Variants in GALNT18 observed in about 807,000 individuals in gnomAD.
GALNT18 encodes the protein polypeptide N-acetylgalactosaminyltransferase 18, also known as GalNAc-transferase 18.
GALNT18 carries 44 observed loss-of-function variants against 69.5 expected under a neutral mutation model. The ratio of observed to expected loss-of-function variants is 0.63; its 90% CI spans 0.50 to 0.81. The LOEUF (loss-of-function observed/expected upper bound fraction) is 0.81. GALNT18 is among the 40% of genes least tolerant of loss of function. GALNT18 has a pLI of 0.00. For missense variants in GALNT18, 715 were observed against 810.0 expected (o/e 0.88, Z 1.42); for synonymous variants, 364 against 318.2 (o/e 1.14, Z -1.53).
At chr11:11,355,748 C>T (rs1425684493) in intron 6 of GALNT18, among the ~76,000 whole-genome samples, 1 of 152,092 alleles carries the variant, frequency 6.6e-6, no homozygotes, top group Non-Finnish European at 1.5e-5. Flanking sequence ...GTCATCAAGA[C>T]CCTCACCTCC....
chr11:11,367,529 C>T (rs1179258233), intron 6 of GALNT18, among the ~76,000 whole-genome samples: 3 of 152,096 alleles, frequency 2.0e-5, no homozygotes, highest in Admixed American at 2.0e-4. Context: ...AGGAGTGATT[C>T]ACAGTTGGGG....
chr11:11,483,410 A>G (rs1182753768), intron 1 of GALNT18, among the ~76,000 whole-genome samples: 1 of 152,210 alleles, frequency 6.6e-6, no homozygotes. Flanking sequence ...ATGGGGAACT[A>G]TGCGGTCAGC....
At chr11:11,333,342 C>T (rs1198999571) in intron 7 of GALNT18, among the ~76,000 whole-genome samples, 1 of 152,112 alleles carries the variant, frequency 6.6e-6, no homozygotes, top group African/African-American at 2.4e-5. Context: ...ATGAGACATG[C>T]AATATATATA....
intron 1 of GALNT18, among the ~76,000 whole-genome samples, chr11:11,539,634 C>G (rs931307455): frequency 6.6e-6 from 1 of 152,164 alleles, no homozygotes. Flanking sequence ...CAGAGGGAAA[C>G]TGCCCACTTG....
chr11:11,590,410 G>A lies in GALNT18; in HGVS notation c.235+30949C>T, dbSNP rs899977887. Among the ~76,000 whole-genome samples, 11 of 152,164 alleles carry A rather than the reference G, an allele frequency of 7.2e-5. No individual in the cohort carries two copies. Among genetic ancestry groups the A allele is most frequent in the Non-Finnish European group, 1.3e-4 (9 of 68,026 alleles). On this transcript the variant is annotated intron_variant, in intron 1 of 10. Coordinates refer to ENST00000227756, the MANE Select transcript of GALNT18 (RefSeq NM_198516.3). This position sits in a 1 kb window ranked among gnomAD's most constrained non-coding sequence, Gnocchi z 4.4. ...CCACATTGCTTGTTGGGTAAGTGAG[G>A]GATATTTTCATTGTACTGGTTAAAG... is the stretch of plus-strand genomic sequence containing the variant.
chr11:11,279,824 ATTTGC>A (rs1259455563), intron 10 of GALNT18, among the ~76,000 whole-genome samples: 1 of 152,062 alleles, frequency 6.6e-6, no homozygotes, highest in African/African-American at 2.4e-5. Context: ...AAACCTAGGG[ATTTGC>A]TTTGTTTTAA....
intron 10 of GALNT18, among the ~76,000 whole-genome samples, chr11:11,292,111 G>A (rs943104603): frequency 2.6e-5 from 4 of 152,164 alleles, no homozygotes; most frequent in African/African-American, 9.7e-5. Flanking sequence ...GAATACAGGT[G>A]TTCCCTCCCG....
In GALNT18 at chr11:11,618,032, C is replaced by A. The variant is rs1452797708; in HGVS notation, c.235+3327G>T. 3.9e-5 allele frequency among the ~76,000 whole-genome samples: 6 copies of A among 152,218 alleles called. No individual in the cohort carries two copies. Among genetic ancestry groups the A allele is most frequent in the Non-Finnish European group, 8.8e-5 (6 of 68,048 alleles). ...TTCCCAAGAGATTCCCAAACACCAT[C>A]TAATTAAATCATTCAATCAGAAAAC... On this transcript the variant is annotated intron_variant, in intron 1 of 10. Transcript: ENST00000227756. This position sits in a 1 kb window ranked among gnomAD's most constrained non-coding sequence, Gnocchi z 6.1.
chr11:11,405,581 T>G (rs996480694), intron 3 of GALNT18, among the ~76,000 whole-genome samples: 4 of 152,128 alleles, frequency 2.6e-5, no homozygotes, highest in Admixed American at 2.0e-4. Flanking sequence ...GAGGGCTCTT[T>G]GTCAGGGGCA....
intron 3 of GALNT18, among the ~76,000 whole-genome samples, chr11:11,392,805 T>G (rs1163530958): frequency 6.6e-6 from 1 of 152,204 alleles, no homozygotes; most frequent in Admixed American, 6.5e-5. Context: ...TTAAATTTTA[T>G]TTTTAATTAT....
At chr11:11,296,793 C>T (rs1430308262) in intron 9 of GALNT18, among the ~76,000 whole-genome samples, 3 of 152,178 alleles carry the variant, frequency 2.0e-5, no homozygotes, top group Non-Finnish European at 2.9e-5. Context: ...CAAAGTGCCT[C>T]TTGACTGGCG....
chr11:11,449,570 G>T lies in GALNT18; in HGVS notation c.236-634C>A, dbSNP rs145962958. 2.8e-4 allele frequency among the ~76,000 whole-genome samples: 43 copies of T among 152,320 alleles called. No homozygotes were observed. The East Asian group carries it at 7.5e-3, about 27-fold the overall frequency. On this transcript the variant is annotated intron_variant, in intron 1 of 10. Coordinates refer to ENST00000227756, the MANE Select transcript of GALNT18 (RefSeq NM_198516.3). ...CCAAGCCACACCCAGCCTGCCCTGC[G>T]CTCTGGGCCCTGCTCATGGGAGCCC...
chr11:11,300,526 G>C (rs896867494), intron 9 of GALNT18, among the ~76,000 whole-genome samples: 1 of 152,184 alleles, frequency 6.6e-6, no homozygotes, highest in Non-Finnish European at 1.5e-5. Flanking sequence ...AAGGAATTAA[G>C]AGCCCAGCTC....
Position 11,619,695 on chromosome 11 carries a change from C to T in GALNT18, c.235+1664G>A, listed in dbSNP as rs1860139898. On this transcript the variant is annotated intron_variant, in intron 1 of 10. Coordinates refer to ENST00000227756, the MANE Select transcript of GALNT18 (RefSeq NM_198516.3). This position sits in a 1 kb window ranked among gnomAD's most constrained non-coding sequence, Gnocchi z 4.9. ...GCATGGCTTTGTGTCTCCTGGGGAA[C>T]ATTCTGAATCACCCTGGGGGAAACA... Among the ~76,000 whole-genome samples the T allele has an allele frequency of 6.6e-6, 1 of 152,208 alleles. No homozygotes were observed. The highest frequency in any genetic ancestry group is 2.1e-4 in the South Asian group (1 of 4,826).
intron 1 of GALNT18, among the ~76,000 whole-genome samples, chr11:11,456,505 A>G (rs548848146): frequency 6.6e-6 from 1 of 152,166 alleles, no homozygotes; most frequent in Non-Finnish European, 1.5e-5. Flanking sequence ...CTGCAACCCC[A>G]GGTGCTCTGG....
intron 1 of GALNT18, among the ~76,000 whole-genome samples, chr11:11,516,398 T>A (rs4291665): frequency 5.9e-5 from 9 of 152,124 alleles, no homozygotes; most frequent in Non-Finnish European, 1.0e-4. Context: ...TCAGGAGGCC[T>A]AAGTGGGAAA....
intron 1 of GALNT18, among the ~76,000 whole-genome samples, chr11:11,466,097 A>G (rs1412451789): frequency 2.3e-5 from 3 of 131,460 alleles, no homozygotes; most frequent in Non-Finnish European, 4.5e-5. Flanking sequence ...GTTACAAAAC[A>G]ATCTTTAGCA....
At chr11:11,327,312 C>G (rs1849940703) in intron 8 of GALNT18, 131 bp from the exon 9 acceptor site, 1 of 682,522 alleles carries the variant, frequency 1.5e-6, no homozygotes, top group Non-Finnish European at 2.5e-6. Context: ...CCCTTGAACA[C>G]TATAGAACCA....
At position 11,562,836 on chromosome 11, in the gene GALNT18, T is replaced by C. The variant is rs73409857; in HGVS notation, c.235+58523A>G. Among the ~76,000 whole-genome samples, 12,738 of 152,072 alleles carry C rather than the reference T, an allele frequency of 0.084. 942 individuals carry two copies. The highest frequency in any genetic ancestry group is 0.32 in the East Asian group (1,637 of 5,138). ...TTAACCCAGGTCACGTGGAGGAAAG[T>C]GGCAAAAAAGACTTGAACTGGGGTC... On this transcript the variant is annotated intron_variant, in intron 1 of 10. Transcript: ENST00000227756. The surrounding 1 kb of genome is among the most constrained non-coding windows in gnomAD (Gnocchi z 4.1).
Sources: allele counts gnomAD v4.1 joint callset (sites outside exome capture counted in the v4.1 genomes callset), GRCh38; gene constraint gnomAD v4.1.1; non-coding constraint Gnocchi (gnomAD v3.1); transcripts MANE v1.5; gene names NCBI Gene and HGNC (gene_info 2026-07-23, HGNC 2026-07-21).